FAM240A: variants seen among roughly 807,000 people sequenced by gnomAD.
FAM240A encodes the protein family with sequence similarity 240 member A.
A neutral mutation model predicts 7.3 loss-of-function variants in FAM240A; 8 were observed. The observed-to-expected ratio is 1.09, with a 90% CI of 0.64 to 1.97. The LOEUF is 1.97. FAM240A is among the 30% of genes most tolerant of loss of function. The pLI is 0.00. For synonymous variants in FAM240A, 32 were observed against 35.9 expected (o/e 0.89, Z 0.38); for missense variants, 90 against 102.2 (o/e 0.88, Z 0.52).
In FAM240A at chr3:46,617,318, G is replaced by A. The variant is rs1204887242; in HGVS notation, c.151G>A (p.Ala51Thr). ...AGAGGAACGTCGTCTGGGAAGAAGC[G>A]CACTGAGAAAGTATGTGGCTTGTTT... ...ESEERRLGRS[A>T]LRKLREEWKQ... Residue 51 changes from alanine (A) to threonine (T), a missense_variant, in exon 2 of 3, where the codon GCA (alanine) becomes ACA (threonine). Coordinates refer to ENST00000640551, the MANE Select transcript of FAM240A (RefSeq NM_001195442.2). 1.2e-5 allele frequency: 18 copies of A among 1,526,050 alleles called. No homozygotes were observed. The highest frequency in any genetic ancestry group is 8.2e-5 in the Admixed American group (4 of 48,494). The allele number at this position is 1,526,050 out of a possible 1,614,324, so 94.5% of individuals were successfully genotyped here.
chr3:46,618,326 G>T (rs1697652950), intron 2 of FAM240A, among the ~76,000 whole-genome samples: 1 of 152,186 alleles, frequency 6.6e-6, no homozygotes, highest in South Asian at 2.1e-4. Context: ...GACTTGGGTG[G>T]CCAGTCATTT....
intron 2 of FAM240A, among the ~76,000 whole-genome samples, chr3:46,623,777 G>T (rs1697723677): frequency 6.6e-6 from 1 of 152,054 alleles, no homozygotes; most frequent in Admixed American, 6.5e-5. Context: ...TATTTAAAGT[G>T]GATTTCTTAT....
chr3:46,618,854 GAT>G (rs1349439537), intron 2 of FAM240A, among the ~76,000 whole-genome samples: 2 of 142,836 alleles, frequency 1.4e-5, no homozygotes, highest in Admixed American at 7.1e-5. Context: ...AAGAAAAAAA[GAT>G]ATATATATAT....
chr3:46,615,718 C>A (rs1009185391), intron 1 of FAM240A, among the ~76,000 whole-genome samples: 2 of 152,196 alleles, frequency 1.3e-5, no homozygotes, highest in African/African-American at 4.8e-5. Context: ...CATCTGCAGC[C>A]CCTGCTTTTG....
At position 46,625,389 on chromosome 3, in the gene FAM240A, A is replaced by G; in HGVS notation, c.*171A>G. The G allele has an allele frequency of 4.2e-6, 2 of 475,934 alleles. No homozygotes were observed. Among genetic ancestry groups the G allele is most frequent in the Non-Finnish European group, 3.8e-6 (1 of 264,974 alleles). 29.5% of individuals were successfully genotyped at this position (475,934 alleles called of 1,614,324 possible). A position where few individuals can be genotyped will look rare whatever the true frequency, so the allele number is the denominator to read the frequency against. On this transcript the variant is annotated 3_prime_UTR_variant, in exon 3 of 3. Transcript: ENST00000640551. ...CCTTTCCCAGTGTTTGATGGCAGTT[A>G]TTGGCCAAGTCAGTCCTCTGTGCAT...
intron 2 of FAM240A, among the ~76,000 whole-genome samples, chr3:46,619,698 G>A (rs1256206787): frequency 2.0e-5 from 3 of 152,180 alleles, no homozygotes; most frequent in Non-Finnish European, 4.4e-5. Flanking sequence ...CATGCTGGTT[G>A]GCAGCCCGCA....
Position 46,625,143 on chromosome 3 carries a change from G to A in FAM240A, c.177G>A (p.Trp59Ter). The A allele has an allele frequency of 2.6e-6, 4 of 1,534,636 alleles. No homozygotes were observed. Among genetic ancestry groups the A allele is most frequent in the Non-Finnish European group, 3.5e-6 (4 of 1,146,016 alleles). The change falls in exon 3 of 3, where the codon TGG becomes TGA. Residue 59 changes from tryptophan to a stop codon, truncating the protein, a stop_gained. Transcript: ENST00000640551. LOFTEE classifies it high-confidence loss of function. ...CTATTTTCAGGCTCAGAGAAGAATGGAAGCAGAGGCTGGAAACAAAGCTGA... is the reference window on the plus strand; with the variant it reads ...CTATTTTCAGGCTCAGAGAAGAATGAAAGCAGAGGCTGGAAACAAAGCTGA... ...RSALRKLREEWKQRLETKLRL... is the reference protein window; with the variant it reads ...RSALRKLREE
intron 2 of FAM240A, 45 bp from the exon 3 acceptor site, chr3:46,625,083 C>T: frequency 7.2e-7 from 1 of 1,385,388 alleles, no homozygotes; most frequent in Non-Finnish European, 9.9e-7. Context: ...AACCAAGAGC[C>T]ATGGAAATGA....
At chr3:46,614,455 A>G (rs536015542) in intron 1 of FAM240A, among the ~76,000 whole-genome samples, 4 of 152,322 alleles carry the variant, frequency 2.6e-5, no homozygotes, top group Admixed American at 1.3e-4. Context: ...TGTCAGCAGC[A>G]TTTTCCAGCA....
At chr3:46,619,916 C>T (rs1697676032) in intron 2 of FAM240A, among the ~76,000 whole-genome samples, 1 of 152,128 alleles carries the variant, frequency 6.6e-6, no homozygotes, top group Non-Finnish European at 1.5e-5. Flanking sequence ...GTGTATTCTC[C>T]AAAGTCCCTA....
rs1697742780 is a variant in FAM240A at position 46,625,202 on chromosome 3, G to A, written c.236G>A (p.Arg79Lys). The A allele has an allele frequency of 6.5e-7, 1 of 1,533,050 alleles. No homozygotes were observed. The highest frequency in any genetic ancestry group is 1.2e-5 in the South Asian group (1 of 83,682). The allele number at this position is 1,533,050 out of a possible 1,614,324, so 95.0% of individuals were successfully genotyped here. The change falls in exon 3 of 3, where the codon AGG becomes AAG. Residue 79 changes from arginine (R) to lysine (K), a missense_variant. Arg to Lys is a conservative substitution (Grantham distance 26, BLOSUM62 2). Coordinates refer to ENST00000640551, the MANE Select transcript of FAM240A (RefSeq NM_001195442.2). Reference sequence around the variant, plus strand: ...AACAATCCAGAGGACACTGAAAAGAGGACAAATGTTGGCTGAGAGCTTCCT... The same window carrying A: ...AACAATCCAGAGGACACTGAAAAGAAGACAAATGTTGGCTGAGAGCTTCCT... ...LRNNPEDTEK[R>K]TNVG
chr3:46,612,736 A>G (rs1697580849), intron 1 of FAM240A, 38 bp downstream of exon 1: 1 of 1,492,072 alleles, frequency 6.7e-7, no homozygotes, highest in Non-Finnish European at 9.0e-7. Context: ...GTGAAGTAAA[A>G]TTCCTAATGG....
At chr3:46,615,890 G>A (rs1019503674) in intron 1 of FAM240A, among the ~76,000 whole-genome samples, 1 of 151,884 alleles carries the variant, frequency 6.6e-6, no homozygotes, top group African/African-American at 2.4e-5. Context: ...CTTGCTCTGG[G>A]GTGTCAGGCA....
At chr3:46,619,770 G>T (rs1315695470) in intron 2 of FAM240A, among the ~76,000 whole-genome samples, 2 of 152,202 alleles carry the variant, frequency 1.3e-5, no homozygotes, top group Non-Finnish European at 2.9e-5. Context: ...TCTCAGGGAA[G>T]AGAGAGTTGG....
At chr3:46,621,084 G>C (rs965043558) in intron 2 of FAM240A, among the ~76,000 whole-genome samples, 1 of 151,734 alleles carries the variant, frequency 6.6e-6, no homozygotes, top group African/African-American at 2.4e-5. Flanking sequence ...CTACTACAAA[G>C]GTTTTCTAAA....
intron 1 of FAM240A, among the ~76,000 whole-genome samples, chr3:46,614,450 G>C (rs1697605726): frequency 6.6e-6 from 1 of 152,204 alleles, no homozygotes; most frequent in African/African-American, 2.4e-5. Context: ...CATTGTGTCA[G>C]CAGCATTTTC....
At chr3:46,613,491 C>CTAAATAAATAAATAAA (rs148622433) in intron 1 of FAM240A, among the ~76,000 whole-genome samples, 4,613 of 137,824 alleles carry the variant, frequency 0.033, 115 homozygotes, top group Middle Eastern at 0.054. Flanking sequence ...GAAACTCCTT[C>CTAAATAAATAAATAAA]TAAATAAATA....
chr3:46,623,503 C>T (rs544358384), intron 2 of FAM240A, among the ~76,000 whole-genome samples: 9 of 152,148 alleles, frequency 5.9e-5, no homozygotes, highest in Non-Finnish European at 1.0e-4. Context: ...GCTATAAATA[C>T]AGATTTGTCT....
rs766053143 is a variant in FAM240A at position 46,612,631 on chromosome 3, C to T, written c.-53C>T. On this transcript the variant is annotated 5_prime_UTR_variant, in exon 1 of 3. Coordinates refer to ENST00000640551, the MANE Select transcript of FAM240A (RefSeq NM_001195442.2). ...TGGGGCAGCACAGATGCCTCACAGGCGGTCAAGTGCGACACATTTGGTTCG... is the reference window on the plus strand; with the variant it reads ...TGGGGCAGCACAGATGCCTCACAGGTGGTCAAGTGCGACACATTTGGTTCG... 8.2e-5 allele frequency: 122 copies of T among 1,492,254 alleles called. No individual in the cohort carries two copies. The highest frequency in any genetic ancestry group is 9.2e-5 in the Non-Finnish European group (102 of 1,106,580). The allele number at this position is 1,492,254 out of a possible 1,614,324, so 92.4% of individuals were successfully genotyped here.
Sources: gnomAD v4.1 joint callset for allele counts (sites outside exome capture counted in the v4.1 genomes callset) on GRCh38, gnomAD v4.1.1 for gene constraint, MANE v1.5 for transcripts, NCBI Gene and HGNC (gene_info 2026-07-23, HGNC 2026-07-21) for gene names.